The following EPG5 variants were observed in gnomAD, a reference collection of about 807,000 sequenced individuals.
The protein encoded by EPG5 is ectopic P granules protein 5 homolog.
A neutral mutation model predicts 302.7 loss-of-function variants in EPG5; 159 were observed. The ratio of observed to expected loss-of-function variants is 0.53; its 90% CI spans 0.46 to 0.60. The LOEUF is 0.60. Ranked by LOEUF, EPG5 falls within the 20% of genes least tolerant of loss-of-function variation. EPG5 has a pLI of 0.00. For missense variants in EPG5, 2,896 were observed against 3,092.4 expected (o/e 0.94, Z 1.51); for synonymous variants, 1,158 against 1,136.8 (o/e 1.02, Z -0.37).
rs749751784 is a variant in EPG5 at position 45,951,240 on chromosome 18, T to C, written c.1253-2A>G. On this transcript the variant is annotated splice_acceptor_variant, in intron 3 of 43. Transcript: ENST00000282041. LOFTEE classifies it high-confidence loss of function. Reference sequence around the variant, plus strand: ...GAATGCTTTCTGTCTGCTTAGACGCTGTAAATGAAAGATATTAAATGAGTC... The same window carrying C: ...GAATGCTTTCTGTCTGCTTAGACGCCGTAAATGAAAGATATTAAATGAGTC... 4 of 1,479,964 alleles carry C rather than the reference T, an allele frequency of 2.7e-6. No individual in the cohort carries two copies. Among genetic ancestry groups the C allele is most frequent in the Non-Finnish European group, 3.6e-6 (4 of 1,113,750 alleles). The allele number at this position is 1,479,964 out of a possible 1,614,324, so 91.7% of individuals were successfully genotyped here.
chr18:45,937,916 T>C (rs1464972878), intron 10 of EPG5, among the ~76,000 whole-genome samples: 1 of 152,202 alleles, frequency 6.6e-6, no homozygotes, highest in Non-Finnish European at 1.5e-5. Context: ...TGTGAAATTA[T>C]ATACACAATG....
the EPG5 span, among the ~76,000 whole-genome samples, chr18:45,815,503 G>A: frequency 2.6e-5 from 4 of 151,404 alleles, no homozygotes; most frequent in East Asian, 7.7e-4. Context: ...CAGCAACCAA[G>A]CAGAGAATCA....
chr18:45,860,352 AG>A lies in EPG5; in HGVS notation c.6767-7del. The stretch of plus-strand genomic sequence containing the variant: ...GCGGGTCTGGCTGTCCATGTCTGAA[AG>A]GAATATAGACACACTCAAGAATGGC... On this transcript the variant is annotated splice_region_variant and splice_polypyrimidine_tract_variant and intron_variant, in intron 39 of 43. Transcript: ENST00000282041. 2.5e-6 allele frequency: 4 copies of A among 1,614,226 alleles called. No homozygotes were observed. The highest frequency in any genetic ancestry group is 3.4e-6 in the Non-Finnish European group (4 of 1,180,036).
At chr18:45,951,602 G>A (rs894467291) in intron 3 of EPG5, among the ~76,000 whole-genome samples, 5 of 151,952 alleles carry the variant, frequency 3.3e-5, no homozygotes, top group African/African-American at 7.3e-5. Flanking sequence ...GGGATTACTG[G>A]TGCCTGCCAC....
At chr18:45,835,287 C>T in the EPG5 span, among the ~76,000 whole-genome samples, 2 of 152,192 alleles carry the variant, frequency 1.3e-5, no homozygotes, top group African/African-American at 4.8e-5. Context: ...TAAAGGTAAG[C>T]TTCTCAGAGA....
At chr18:45,959,826 A>C (rs575662395) in intron 1 of EPG5, among the ~76,000 whole-genome samples, 127 of 152,004 alleles carry the variant, frequency 8.4e-4, no homozygotes, top group Non-Finnish European at 1.4e-3. Context: ...CTAAATACAA[A>C]AAATTAGCCG....
the EPG5 span, chr18:45,837,457 G>A: frequency 7.0e-7 from 1 of 1,422,618 alleles, no homozygotes; most frequent in Non-Finnish European, 9.1e-7. Context: ...CAGGCCCCGG[G>A]TGCGGGCGCC....
rs140331614 is a variant in EPG5, at chr18:45,879,198, T to C, written c.5684A>G (p.Gln1895Arg). ...CTTATAAAAAAAGTCTGAAAGCCACTGTATAGTCTCCATTACCTGGAAGAG... is the reference window on the plus strand; with the variant it reads ...CTTATAAAAAAAGTCTGAAAGCCACCGTATAGTCTCCATTACCTGGAAGAG... The part of the protein sequence containing the change: ...LSDKQVMETI[Q>R]WLSDFFYKLR... The change falls in exon 33 of 44, where the codon CAG becomes CGG. Residue 1895 changes from glutamine (Q) to arginine (R), a missense_variant. By Grantham distance (43) the Gln-to-Arg change is conservative. This residue lies in a region of EPG5 where 790 missense variants were observed against 798.0 expected (regional missense o/e 0.99). Coordinates refer to ENST00000282041, the MANE Select transcript of EPG5 (RefSeq NM_020964.3). 33 of 1,609,492 alleles carry C rather than the reference T, an allele frequency of 2.1e-5. No homozygotes were observed. In the South Asian group the frequency reaches 2.8e-4, roughly 14 times the overall value.
intron 10 of EPG5, among the ~76,000 whole-genome samples, chr18:45,935,411 G>A (rs112686821): frequency 0.035 from 5,396 of 152,246 alleles, 117 homozygotes; most frequent in Non-Finnish European, 0.048. Context: ...GCGTGGTGGC[G>A]CATGCCTGTA....
intron 20 of EPG5, among the ~76,000 whole-genome samples, chr18:45,915,293 T>TA (rs200962382): frequency 3.2e-4 from 48 of 147,870 alleles, no homozygotes; most frequent in African/African-American, 1.0e-3. Context: ...AAAATAAAAA[T>TA]AAAAATAAAA....
At chr18:45,923,191 T>C in intron 15 of EPG5, 77 bp downstream of exon 15, 5 of 1,501,678 alleles carry the variant, frequency 3.3e-6, no homozygotes, top group Non-Finnish European at 4.5e-6. Context: ...GTCAATAGTA[T>C]AAGTCTATCA....
At chr18:45,948,307 T>TG (rs2050831495) in intron 6 of EPG5, among the ~76,000 whole-genome samples, 196 bp downstream of exon 6, 2 of 152,222 alleles carry the variant, frequency 1.3e-5, no homozygotes, top group Admixed American at 1.3e-4. Flanking sequence ...CCCATAAAAA[T>TG]GGTTGCTTAT....
intron 10 of EPG5, among the ~76,000 whole-genome samples, chr18:45,937,210 A>T (rs1279470721): frequency 6.7e-6 from 1 of 149,160 alleles, no homozygotes; most frequent in African/African-American, 2.5e-5. Flanking sequence ...ACATTCAGGA[A>T]GTCTGGCATA....
chr18:45,833,502 G>A, the EPG5 span, among the ~76,000 whole-genome samples: 3 of 151,846 alleles, frequency 2.0e-5, no homozygotes, highest in Admixed American at 6.6e-5. Flanking sequence ...TAGTAGAGAC[G>A]GGGTTTTACC....
chr18:45,867,805 A>T, intron 36 of EPG5, 57 bp from the exon 37 acceptor site: 1 of 1,406,140 alleles, frequency 7.1e-7, no homozygotes, highest in South Asian at 1.3e-5. Flanking sequence ...TGTATCTGGA[A>T]AATGTATGTA....
chr18:45,944,421 G>A (rs1237271293), intron 7 of EPG5, among the ~76,000 whole-genome samples: 2 of 152,134 alleles, frequency 1.3e-5, no homozygotes, highest in Non-Finnish European at 2.9e-5. Context: ...TCTAGAGTGA[G>A]GACCTTATAG....
At chr18:45,845,590 G>C (rs1458988002), downstream of EPG5, among the ~76,000 whole-genome samples, 1 of 152,238 alleles carries the variant, frequency 6.6e-6, no homozygotes, top group Non-Finnish European at 1.5e-5. Flanking sequence ...ACAAAGACCA[G>C]AGACACGAGC....
chr18:45,928,742 G>T, intron 13 of EPG5, 127 bp downstream of exon 13: 1 of 811,100 alleles, frequency 1.2e-6, no homozygotes, highest in Non-Finnish European at 1.9e-6. Flanking sequence ...CACAGTAAAT[G>T]TTAGTTCCTT....
At chr18:45,905,757 A>C (rs1457470075) in intron 24 of EPG5, among the ~76,000 whole-genome samples, 1 of 152,228 alleles carries the variant, frequency 6.6e-6, no homozygotes, top group Non-Finnish European at 1.5e-5. Flanking sequence ...AAAGCAAGCA[A>C]TTAATTCTGT....
Sources: gnomAD v4.1 joint callset for allele counts (sites outside exome capture counted in the v4.1 genomes callset) on GRCh38, gnomAD v4.1.1 for gene constraint, gnomAD v4.1.1 regional missense constraint, MANE v1.5 for transcripts, NCBI Gene and HGNC (gene_info 2026-07-23, HGNC 2026-07-21) for gene names.